Variants in MIPEP observed in about 807,000 individuals in gnomAD.
MIPEP encodes the protein mitochondrial intermediate peptidase.
In MIPEP, 79 loss-of-function variants were observed where a neutral mutation model predicts 90.3. That is an observed-to-expected ratio of 0.87 (90% CI 0.73 to 1.05). The LOEUF (loss-of-function observed/expected upper bound fraction) is 1.05, where lower values mean the gene tolerates loss of function less well. MIPEP is among the 50% of genes least tolerant of loss of function. The probability of loss-of-function intolerance (pLI) is 0.00; values close to 1 mark genes in which losing one functional copy is unlikely to be tolerated. For synonymous variants in MIPEP, 334 were observed against 315.8 expected, an observed-to-expected ratio of 1.06 and a Z score of -0.61; for missense variants, 940 against 905.6, an observed-to-expected ratio of 1.04 and a Z score of -0.49.
chr13:23,811,066 G>C (rs1953166015), intron 14 of MIPEP, among the ~76,000 whole-genome samples: 1 of 152,174 alleles, frequency 6.6e-6, no homozygotes, highest in Non-Finnish European at 1.5e-5. Flanking sequence ...CGCTCATCTT[G>C]TATGAAAGAA....
intron 16 of MIPEP, among the ~76,000 whole-genome samples, chr13:23,781,663 T>C (rs1001544117): frequency 1.2e-4 from 18 of 152,182 alleles, no homozygotes; most frequent in East Asian, 3.9e-4. Flanking sequence ...GACTGGCAAA[T>C]TGGATAAAGA....
intron 18 of MIPEP, among the ~76,000 whole-genome samples, chr13:23,738,287 T>C (rs1307230913): frequency 6.6e-6 from 1 of 152,120 alleles, no homozygotes; most frequent in Admixed American, 6.5e-5. Flanking sequence ...TTCATAAACT[T>C]TCTTAAAATA....
chr13:23,766,577 T>C (rs1191774985), intron 16 of MIPEP, among the ~76,000 whole-genome samples: 1 of 152,232 alleles, frequency 6.6e-6, no homozygotes, highest in Non-Finnish European at 1.5e-5. Flanking sequence ...ATGCTCTCTC[T>C]CTCTCTCTCA....
At chr13:23,813,194 A>C (rs7320394) in intron 14 of MIPEP, among the ~76,000 whole-genome samples, 86,723 of 151,936 alleles carry the variant, frequency 0.57, 24,932 homozygotes, top group East Asian at 0.68. Context: ...AAAAATAAAC[A>C]ACGTTTCAAA....
intron 10 of MIPEP, among the ~76,000 whole-genome samples, chr13:23,846,606 T>C (rs1869551890): frequency 6.6e-6 from 1 of 152,220 alleles, no homozygotes; most frequent in Admixed American, 6.5e-5. Context: ...AGCTTGAAGG[T>C]AATTTTACAG....
At chr13:23,775,109 C>CTGTGTG (rs57354012) in intron 16 of MIPEP, among the ~76,000 whole-genome samples, 5,321 of 148,618 alleles carry the variant, frequency 0.036, 111 homozygotes, top group South Asian at 0.051. Flanking sequence ...TATCAGTTCT[C>CTGTGTG]TGTGTGTGTG....
At position 23,809,860 on chromosome 13, in the gene MIPEP, A is replaced by G. The variant is rs199879424; in HGVS notation, c.1718T>C (p.Met573Thr). 44 of 1,612,506 alleles carry G rather than the reference A, an allele frequency of 2.7e-5. No individual in the cohort carries two copies. The highest frequency in any genetic ancestry group is 6.7e-5 in the East Asian group (3 of 44,826). The change falls in exon 15 of 19, where the codon ATG becomes ACG. Residue 573 changes from methionine to threonine, a missense_variant. By Grantham distance (81) the Met-to-Thr change is moderately conservative. Coordinates refer to ENST00000382172, the MANE Select transcript of MIPEP (RefSeq NM_005932.4). ...ESKKVCAAAD[M>T]QLQVFYATLD... Reference sequence around the variant, plus strand: ...AAGGTACATACATACCTGAAGTTGCATATCAGCTGCAGCACAAACCTTTTT... The same window carrying G: ...AAGGTACATACATACCTGAAGTTGCGTATCAGCTGCAGCACAAACCTTTTT...
At chr13:23,855,499 A>G (rs1409796340) in intron 10 of MIPEP, among the ~76,000 whole-genome samples, 1 of 152,174 alleles carries the variant, frequency 6.6e-6, no homozygotes, top group Non-Finnish European at 1.5e-5. Context: ...TTTTGTGTCA[A>G]GCCACACATT....
intron 14 of MIPEP, among the ~76,000 whole-genome samples, chr13:23,820,156 G>C (rs903325188): frequency 4.6e-5 from 7 of 152,072 alleles, no homozygotes; most frequent in Admixed American, 2.0e-4. Flanking sequence ...TCTTAATTTT[G>C]TATCTATAGA....
At chr13:23,753,091 G>C (rs1228549184) in intron 18 of MIPEP, among the ~76,000 whole-genome samples, 2 of 152,022 alleles carry the variant, frequency 1.3e-5, no homozygotes, top group African/African-American at 4.8e-5. Flanking sequence ...AGCTGGGCAT[G>C]GTGGCACATG....
At chr13:23,740,204 G>C (rs1461419126) in intron 18 of MIPEP, among the ~76,000 whole-genome samples, 2 of 152,098 alleles carry the variant, frequency 1.3e-5, no homozygotes. Flanking sequence ...CCTGCGGTGG[G>C]CCAACAAATG....
chr13:23,810,983 C>T (rs1236564577), intron 14 of MIPEP, among the ~76,000 whole-genome samples: 1 of 152,186 alleles, frequency 6.6e-6, no homozygotes. Context: ...AGAGCTAAGA[C>T]ACAGATGGGA....
chr13:23,884,215 T>TG (rs1264341864), intron 2 of MIPEP, among the ~76,000 whole-genome samples: 7 of 107,780 alleles, frequency 6.5e-5, no homozygotes, highest in African/African-American at 2.8e-4. Flanking sequence ...CAGAGGTTAG[T>TG]GGGGAGGGGG....
Position 23,836,300 on chromosome 13 carries a change from C to T in MIPEP, c.1593G>A (p.Glu531=). 1 of 1,606,524 alleles carries T rather than the reference C, an allele frequency of 6.2e-7. No homozygotes were observed. Among genetic ancestry groups the T allele is most frequent in the Non-Finnish European group, 8.5e-7 (1 of 1,177,128 alleles). Reference sequence around the variant, plus strand: ...CTACTCGATAATCATTTGCAAAGTACTCCATCAGAATAGAAGGAACCTCAG... The same window carrying T: ...CTACTCGATAATCATTTGCAAAGTATTCCATCAGAATAGAAGGAACCTCAG... ...DFAEVPSILM[E]YFANDYRVVN... The change falls in exon 14 of 19, where the codon GAG becomes GAA. Residue 531 remains glutamate (E), a synonymous_variant. Coordinates refer to ENST00000382172, the MANE Select transcript of MIPEP (RefSeq NM_005932.4).
intron 10 of MIPEP, among the ~76,000 whole-genome samples, chr13:23,847,046 T>C (rs905663711): frequency 6.6e-6 from 1 of 152,150 alleles, no homozygotes; most frequent in African/African-American, 2.4e-5. Context: ...GAGACCATCC[T>C]TTATAACTGC....
intron 2 of MIPEP, among the ~76,000 whole-genome samples, chr13:23,885,278 T>C: frequency 6.6e-6 from 1 of 152,044 alleles, no homozygotes; most frequent in East Asian, 1.9e-4. Context: ...AGTAGAAGGA[T>C]GGTTACCAGA....
chr13:23,860,947 G>T lies in MIPEP; in HGVS notation c.1053+1355C>A, dbSNP rs557560274. On this transcript the variant is annotated intron_variant, in intron 9 of 18. Transcript: ENST00000382172. The stretch of plus-strand genomic sequence containing the variant: ...ACCTAACAAATGATTATGGGGGAGG[G>T]GAGTGTGCAGTGCCTGGGGTGCTTG... Among the ~76,000 whole-genome samples, 14 of 152,240 alleles carry T rather than the reference G, an allele frequency of 9.2e-5. No individual in the cohort carries two copies. The East Asian group carries it at 1.7e-3, about 19-fold the overall frequency.
Position 23,839,637 on chromosome 13 carries a change from AG to A in MIPEP, c.1338+11del. 1 of 1,601,824 alleles carries A rather than the reference AG, an allele frequency of 6.2e-7. No individual in the cohort carries two copies. Among genetic ancestry groups the A allele is most frequent in the Non-Finnish European group, 8.5e-7 (1 of 1,172,012 alleles). Reference sequence around the variant, plus strand: ...CGGTTCTAGAGAGACCAGTTTATAAAGAAAGGATCACCTGATGTGGTTTGTC... The same window carrying A: ...CGGTTCTAGAGAGACCAGTTTATAAAAAAGGATCACCTGATGTGGTTTGTC... On this transcript the variant is annotated intron_variant, in intron 12 of 18. Coordinates refer to ENST00000382172, the MANE Select transcript of MIPEP (RefSeq NM_005932.4).
At chr13:23,833,235 A>G (rs934297393) in intron 14 of MIPEP, among the ~76,000 whole-genome samples, 1 of 152,210 alleles carries the variant, frequency 6.6e-6, no homozygotes, top group Non-Finnish European at 1.5e-5. Flanking sequence ...TGCACTTAAG[A>G]TTTAAAAAAA....
Sources: allele counts gnomAD v4.1 joint callset (sites outside exome capture counted in the v4.1 genomes callset), GRCh38; gene constraint gnomAD v4.1.1; transcripts MANE v1.5; gene names NCBI Gene and HGNC (gene_info 2026-07-23, HGNC 2026-07-21).